Variants in ZNF226 observed in about 807,000 individuals in gnomAD.
ZNF226 encodes Kruppel-associated box protein.
A neutral mutation model predicts 11.4 loss-of-function variants in ZNF226; 6 were observed. That is an observed-to-expected ratio of 0.53 (90% CI 0.29 to 1.04). ZNF226 has a LOEUF of 1.04. ZNF226 is among the 50% of genes least tolerant of loss of function. The probability of loss-of-function intolerance (pLI) is 0.08; values close to 1 mark genes in which losing one functional copy is unlikely to be tolerated. For missense variants in ZNF226, 1,058 were observed against 956.5 expected (o/e 1.11, Z -1.40); for synonymous variants, 350 against 322.8 (o/e 1.08, Z -0.90).
At chr19:44,185,608 TTTG>T in the ZNF226 span, among the ~76,000 whole-genome samples, 589 of 152,270 alleles carry the variant, frequency 3.9e-3, 2 homozygotes, top group Admixed American at 7.0e-3. Context: ...TTGGGGTTTT[TTTG>T]TTGTTGTTGT....
At chr19:44,168,599 TA>T (rs111258538) in intron 2 of ZNF226, among the ~76,000 whole-genome samples, 2 of 152,338 alleles carry the variant, frequency 1.3e-5, no homozygotes, top group African/African-American at 4.8e-5. Flanking sequence ...AAAATGTTCT[TA>T]TTTTTTTGTT....
At position 44,176,394 on chromosome 19, in the gene ZNF226, C is replaced by T; in HGVS notation, c.1132C>T (p.Leu378Phe). 1 of 1,614,112 alleles carries T rather than the reference C, an allele frequency of 6.2e-7. No homozygotes were observed. The highest frequency in any genetic ancestry group is 2.2e-5 in the East Asian group (1 of 44,882). Residue 378 changes from leucine to phenylalanine, a missense_variant, in exon 6 of 6, where the codon CTT (leucine) becomes TTT (phenylalanine). Coordinates refer to ENST00000337433, the MANE Select transcript of ZNF226 (RefSeq NM_001032373.2). ...GAGGGCCTTCAGTCAGGCCTCTCAT[C>T]TTCAGGACCATCAGAGACTCCACAC... ...CGRAFSQASH[L>F]QDHQRLHTGE...
chr19:44,176,452 G>C lies in ZNF226; in HGVS notation c.1190G>C (p.Gly397Ala). The C allele has an allele frequency of 5.6e-6, 9 of 1,614,130 alleles. No individual in the cohort carries two copies. The highest frequency in any genetic ancestry group is 7.6e-6 in the Non-Finnish European group (9 of 1,180,020). The part of the protein sequence containing the change: ...GEKPFKCDAC[G>A]KSFSRNSHLQ... Reference sequence around the variant, plus strand: ...AAGCCATTCAAATGTGATGCATGTGGTAAGAGCTTCAGTCGGAATTCACAT... The same window carrying C: ...AAGCCATTCAAATGTGATGCATGTGCTAAGAGCTTCAGTCGGAATTCACAT... Residue 397 changes from glycine to alanine, a missense_variant, in exon 6 of 6, where the codon GGT (glycine) becomes GCT (alanine). By Grantham distance (60) the Gly-to-Ala change is moderately conservative. Transcript: ENST00000337433.
At chr19:44,173,102 C>T (rs1970298184) in intron 5 of ZNF226, 150 bp downstream of exon 5, 5 of 663,012 alleles carry the variant, frequency 7.5e-6, no homozygotes, top group Non-Finnish European at 1.3e-5. Context: ...GCTCCCACCC[C>T]TCTCCTCTTA....
intron 5 of ZNF226, chr19:44,174,398 G>A (rs1462130757): frequency 6.6e-6 from 1 of 152,142 alleles, no homozygotes; most frequent in Non-Finnish European, 1.5e-5. Flanking sequence ...ATTATATCAG[G>A]AAAGAAAAAG....
chr19:44,180,586 C>G (rs143597208), downstream of ZNF226, among the ~76,000 whole-genome samples: 21 of 152,288 alleles, frequency 1.4e-4, no homozygotes, highest in African/African-American at 4.3e-4. Context: ...ATCCAGCCCA[C>G]TTCCTTAAAG....
In ZNF226 at chr19:44,168,722, G is replaced by C. The variant is rs61655127; in HGVS notation, c.-46-1313G>C. 2.5e-3 allele frequency among the ~76,000 whole-genome samples: 387 copies of C among 152,214 alleles called. 2 individuals are homozygous for C. The highest frequency in any genetic ancestry group is 8.8e-3 in the African/African-American group (364 of 41,542). Reference sequence around the variant, plus strand: ...TCATAGGAGTCAAATGTTGGTTTGTGGGTTTGTCCCACTAGTGGTCTCAAC... The same window carrying C: ...TCATAGGAGTCAAATGTTGGTTTGTCGGTTTGTCCCACTAGTGGTCTCAAC... On this transcript the variant is annotated intron_variant, in intron 2 of 5. Coordinates refer to ENST00000337433, the MANE Select transcript of ZNF226 (RefSeq NM_001032373.2).
chr19:44,180,086 CAAAAAAAAAAAAAAA>C (rs60173546), downstream of ZNF226, among the ~76,000 whole-genome samples: 1 of 54,726 alleles, frequency 1.8e-5, no homozygotes. Context: ...GACTCTGTCT[CAAAAAAAAAAAAAAA>C]AAAAAAAAAA....
rs759968126 is a variant in ZNF226 at position 44,170,112 on chromosome 19, T to A, written c.15+17T>A. On this transcript the variant is annotated intron_variant, in intron 3 of 5. Coordinates refer to ENST00000337433, the MANE Select transcript of ZNF226 (RefSeq NM_001032373.2). The stretch of plus-strand genomic sequence containing the variant: ...ATGTTCAAGGTGAGTAGAGCTTGCC[T>A]TTCCCAGCTGTTAAAAATACCATTT... 44 of 1,611,276 alleles carry A rather than the reference T, an allele frequency of 2.7e-5. No individual in the cohort carries two copies. Among genetic ancestry groups the A allele is most frequent in the Non-Finnish European group, 3.4e-5 (40 of 1,178,522 alleles).
chr19:44,179,550 A>G (rs541222271), downstream of ZNF226, among the ~76,000 whole-genome samples: 12 of 152,336 alleles, frequency 7.9e-5, no homozygotes, highest in East Asian at 2.3e-3. Flanking sequence ...ATATATTTGC[A>G]GTGAATGCAT....
intron 5 of ZNF226, chr19:44,173,812 C>G (rs2122439394): frequency 6.6e-6 from 1 of 152,128 alleles, no homozygotes; most frequent in African/African-American, 2.4e-5. Flanking sequence ...ACATTCTCTC[C>G]ATTTACTCTC....
In ZNF226 at chr19:44,172,341, A is replaced by G. The variant is rs959832327; in HGVS notation, c.142+127A>G. ...TTTTTGTGGGATGCAGAGACACTGG[A>G]TGTTTCTGGTCTTTCTGAACAGAAT... On this transcript the variant is annotated intron_variant, in intron 4 of 5. Transcript: ENST00000337433. 5 of 1,255,978 alleles carry G rather than the reference A, an allele frequency of 4.0e-6. No homozygotes were observed. The East Asian group carries it at 1.3e-4, about 32-fold the overall frequency. The allele number at this position is 1,255,978 out of a possible 1,614,324, so 77.8% of individuals were successfully genotyped here.
At position 44,175,754 on chromosome 19, in the gene ZNF226, T is replaced by A. The variant is rs759985293; in HGVS notation, c.492T>A (p.Phe164Leu). 1 of 1,613,432 alleles carries A rather than the reference T, an allele frequency of 6.2e-7. No homozygotes were observed. The highest frequency in any genetic ancestry group is 2.2e-5 in the East Asian group (1 of 44,870). The change falls in exon 6 of 6, where the codon TTT (phenylalanine) becomes TTA (leucine). Residue 164 changes from phenylalanine (F) to leucine (L), a missense_variant. By Grantham distance (22) the Phe-to-Leu change is conservative. Coordinates refer to ENST00000337433, the MANE Select transcript of ZNF226 (RefSeq NM_001032373.2). ...CCAATAATACTGGGAATCCAGAGTT[T>A]CCTATCTTGAGAACCCAGGATTCTT... ...DGPNNTGNPE[F>L]PILRTQDSWR...
At chr19:44,194,287 G>A in the ZNF226 span, among the ~76,000 whole-genome samples, 1 of 152,100 alleles carries the variant, frequency 6.6e-6, no homozygotes, top group African/African-American at 2.4e-5. Context: ...TGTTACTGTT[G>A]TTGTTTAGAT....
the ZNF226 span, among the ~76,000 whole-genome samples, chr19:44,198,890 C>T: frequency 0.14 from 21,112 of 151,530 alleles, 3,713 homozygotes; most frequent in African/African-American, 0.4. Flanking sequence ...CTGCAACCTC[C>T]ACCTCCAGGG....
At chr19:44,181,928 G>C (rs1329214919), downstream of ZNF226, among the ~76,000 whole-genome samples, 1 of 152,192 alleles carries the variant, frequency 6.6e-6, no homozygotes, top group African/African-American at 2.4e-5. Context: ...ACCATGAGGA[G>C]ATACATCGCC....
chr19:44,196,187 A>G, the ZNF226 span, among the ~76,000 whole-genome samples: 7 of 152,200 alleles, frequency 4.6e-5, no homozygotes, highest in East Asian at 1.9e-4. Context: ...AGCAGAATAT[A>G]AAATTACTTG....
chr19:44,171,020 C>T (rs1970033468), intron 3 of ZNF226, among the ~76,000 whole-genome samples: 1 of 151,432 alleles, frequency 6.6e-6, no homozygotes, highest in South Asian at 2.1e-4. Flanking sequence ...TATAATTTTA[C>T]ATTTCTTACA....
At chr19:44,190,959 A>G in the ZNF226 span, among the ~76,000 whole-genome samples, 1 of 152,248 alleles carries the variant, frequency 6.6e-6, no homozygotes, top group Non-Finnish European at 1.5e-5. Context: ...CTTAAGAGAA[A>G]ATGTTTCCTT....
Sources: allele counts gnomAD v4.1 joint callset (sites outside exome capture counted in the v4.1 genomes callset), GRCh38; gene constraint gnomAD v4.1.1; transcripts MANE v1.5; gene names NCBI Gene and HGNC (gene_info 2026-07-23, HGNC 2026-07-21).